The following ARHGAP44 variants were observed in gnomAD, a reference collection of about 807,000 sequenced individuals.
The protein encoded by ARHGAP44 is rho GTPase-activating protein 44.
Under a neutral mutation model 106.8 loss-of-function variants are expected in ARHGAP44, and 43 were observed. The observed-to-expected ratio is 0.40, with a 90% CI of 0.32 to 0.52. ARHGAP44 has a LOEUF of 0.52. ARHGAP44 is among the 20% of genes least tolerant of loss of function. The pLI, the probability that ARHGAP44 is intolerant of heterozygous loss-of-function variation, is 0.48. For synonymous variants in ARHGAP44, 439 were observed against 410.3 expected (o/e 1.07, Z -0.85); for missense variants, 866 against 1,050.5 (o/e 0.82, Z 2.43).
rs566795108 is a variant in ARHGAP44 at position 12,935,197 on chromosome 17, CA to C, written c.583-5854del. On this transcript the variant is annotated intron_variant, in intron 7 of 20. Transcript: ENST00000379672. ...ATGTTGAAGATAATAATAAAATACT[CA>C]AAAAGAGAACACTTTAAAAAAATAT... is the stretch of plus-strand genomic sequence containing the variant. Among the ~76,000 whole-genome samples, 9 of 152,132 alleles carry C rather than the reference CA, an allele frequency of 5.9e-5. No individual in the cohort carries two copies. In the East Asian group the frequency reaches 1.5e-3, roughly 26 times the overall value.
chr17:12,884,865 G>T (rs909334020), intron 1 of ARHGAP44, among the ~76,000 whole-genome samples: 7 of 151,964 alleles, frequency 4.6e-5, no homozygotes, highest in Admixed American at 1.3e-4. Flanking sequence ...ATGTATGAGT[G>T]GTCCATTCCT....
At chr17:12,907,170 C>A (rs566513626) in intron 3 of ARHGAP44, among the ~76,000 whole-genome samples, 6 of 152,194 alleles carry the variant, frequency 3.9e-5, no homozygotes, top group African/African-American at 1.4e-4. Flanking sequence ...TGAAGAACTA[C>A]CTTTGTAGCT....
intron 4 of ARHGAP44, among the ~76,000 whole-genome samples, chr17:12,914,828 A>T (rs1212728187): frequency 2.0e-5 from 3 of 151,706 alleles, no homozygotes; most frequent in African/African-American, 4.8e-5. Context: ...CAAAAAAAAA[A>T]TCCAAACAAA....
At chr17:12,843,225 A>G (rs2035468003) in intron 1 of ARHGAP44, among the ~76,000 whole-genome samples, 1 of 152,080 alleles carries the variant, frequency 6.6e-6, no homozygotes, top group Non-Finnish European at 1.5e-5. Flanking sequence ...ACTCTTTCTA[A>G]TGCTAAACCT....
intron 20 of ARHGAP44, chr17:12,986,702 AGAATG>A (rs1165825676): frequency 8.4e-6 from 1 of 119,450 alleles, no homozygotes; most frequent in Non-Finnish European, 1.9e-5. Flanking sequence ...AAAAAAAAAA[AGAATG>A]AGCAGAAGAT....
At chr17:12,840,713 C>T (rs2035365642) in intron 1 of ARHGAP44, among the ~76,000 whole-genome samples, 1 of 152,208 alleles carries the variant, frequency 6.6e-6, no homozygotes, top group African/African-American at 2.4e-5. Flanking sequence ...GCAGGTTTCA[C>T]CTGCTCAAGG....
At position 12,922,874 on chromosome 17, in the gene ARHGAP44, C is replaced by T. The variant is rs555544944; in HGVS notation, c.464+3043C>T. On this transcript the variant is annotated intron_variant, in intron 6 of 20. Transcript: ENST00000379672. ...TCTAGAGTTATGTTTTCAGTGGTGA[C>T]ACCAAGTAGTCTGTAGGTTCTGCAA... Among the ~76,000 whole-genome samples, 10 of 152,242 alleles carry T rather than the reference C, an allele frequency of 6.6e-5. No individual in the cohort carries two copies. The East Asian group carries it at 1.9e-3, about 29-fold the overall frequency.
intron 1 of ARHGAP44, among the ~76,000 whole-genome samples, chr17:12,858,567 A>G (rs2035977149): frequency 6.6e-6 from 1 of 152,200 alleles, no homozygotes; most frequent in African/African-American, 2.4e-5. Flanking sequence ...GGATAAACTA[A>G]AGAAAAATAA....
intron 5 of ARHGAP44, among the ~76,000 whole-genome samples, chr17:12,919,004 G>T (rs2037995840): frequency 6.6e-6 from 1 of 152,212 alleles, no homozygotes; most frequent in East Asian, 1.9e-4. Flanking sequence ...ATCTGATGTT[G>T]GTCAAAGGGT....
chr17:12,829,161 G>C (rs1170198463), intron 1 of ARHGAP44, among the ~76,000 whole-genome samples: 3 of 152,042 alleles, frequency 2.0e-5, no homozygotes, highest in South Asian at 4.2e-4. Flanking sequence ...TTGTGTCTTG[G>C]GGGGTCCAAA....
intron 1 of ARHGAP44, among the ~76,000 whole-genome samples, chr17:12,862,440 T>G (rs2036114206): frequency 6.6e-6 from 1 of 152,182 alleles, no homozygotes; most frequent in Non-Finnish European, 1.5e-5. Context: ...GAATTCCTCC[T>G]TCATTGTCCT....
intron 1 of ARHGAP44, among the ~76,000 whole-genome samples, chr17:12,884,880 C>A (rs1369675624): frequency 6.6e-6 from 1 of 151,856 alleles, no homozygotes; most frequent in African/African-American, 2.4e-5. Flanking sequence ...ATTCCTATAT[C>A]TTGCTAAGCA....
intron 10 of ARHGAP44, among the ~76,000 whole-genome samples, chr17:12,944,547 G>A (rs1485480709): frequency 4.0e-5 from 6 of 151,434 alleles, no homozygotes; most frequent in South Asian, 2.1e-4. Context: ...GTGCAGTGGC[G>A]CGATCTTGGT....
intron 1 of ARHGAP44, among the ~76,000 whole-genome samples, chr17:12,831,616 C>G (rs1435128255): frequency 1.3e-5 from 2 of 152,084 alleles, no homozygotes; most frequent in Non-Finnish European, 2.9e-5. Flanking sequence ...AGGATTCAAC[C>G]CTCCCATCGA....
chr17:12,886,742 AT>A (rs2036891807), intron 1 of ARHGAP44, among the ~76,000 whole-genome samples: 1 of 152,048 alleles, frequency 6.6e-6, no homozygotes, highest in Non-Finnish European at 1.5e-5. Flanking sequence ...AAATGGAGAC[AT>A]TTTTATTTGT....
chr17:12,884,408 A>G (rs1418930146), intron 1 of ARHGAP44, among the ~76,000 whole-genome samples: 1 of 152,114 alleles, frequency 6.6e-6, no homozygotes, highest in African/African-American at 2.4e-5. Context: ...TACCCTTGTA[A>G]TGTTTATTAC....
At chr17:12,931,494 T>A (rs1429985623) in intron 7 of ARHGAP44, among the ~76,000 whole-genome samples, 1 of 151,922 alleles carries the variant, frequency 6.6e-6, no homozygotes, top group East Asian at 1.9e-4. Flanking sequence ...ACTTAGTCTT[T>A]TTTATTTATT....
Position 12,984,801 on chromosome 17 carries a change from C to T in ARHGAP44, c.2210C>T (p.Thr737Ile), listed in dbSNP as rs1048055269. Residue 737 changes from threonine to isoleucine, a missense_variant, in exon 20 of 21, where the codon ACT (threonine) becomes ATT (isoleucine). By Grantham distance (89) the Thr-to-Ile change is moderately conservative (BLOSUM62 -1). Transcript: ENST00000379672. Reference protein sequence around the residue: ...RPTPKPRQRPTLPPPQPPTVN... With the variant: ...RPTPKPRQRPILPPPQPPTVN... Reference sequence around the variant, plus strand: ...ACTCCTAAGCCGCGACAGAGACCTACTCTGCCGCCTCCTCAGCCTCCCACA... The same window carrying T: ...ACTCCTAAGCCGCGACAGAGACCTATTCTGCCGCCTCCTCAGCCTCCCACA... 2 of 1,614,006 alleles carry T rather than the reference C, an allele frequency of 1.2e-6. No individual in the cohort carries two copies. Among genetic ancestry groups the T allele is most frequent in the African/African-American group, 1.3e-5 (1 of 75,042 alleles).
intron 10 of ARHGAP44, among the ~76,000 whole-genome samples, chr17:12,947,498 AG>A (rs2038885365): frequency 6.6e-6 from 1 of 152,142 alleles, no homozygotes; most frequent in African/African-American, 2.4e-5. Flanking sequence ...CCTCAACCTC[AG>A]TGAGGACTCC....
Sources: allele counts gnomAD v4.1 joint callset (sites outside exome capture counted in the v4.1 genomes callset), GRCh38; gene constraint gnomAD v4.1.1; transcripts MANE v1.5; gene names NCBI Gene and HGNC (gene_info 2026-07-23, HGNC 2026-07-21).